DPF2: variants seen among roughly 807,000 people sequenced by gnomAD.
DPF2 encodes the protein double PHD fingers 2, also known as zinc finger protein ubi-d4.
A neutral mutation model predicts 59.6 loss-of-function variants in DPF2; 10 were observed. The ratio of observed to expected loss-of-function variants is 0.17; its 90% CI spans 0.10 to 0.28. DPF2 has a LOEUF of 0.28. Among genes scored for constraint, DPF2 ranks in the 10% least tolerant of loss-of-function variants. The pLI is 1.00. For missense variants in DPF2, 315 were observed against 509.4 expected, an observed-to-expected ratio of 0.62 and a Z score of 3.67; for synonymous variants, 189 against 190.6, an observed-to-expected ratio of 0.99 and a Z score of 0.07.
chr11:65,346,556 CTG>C, intron 9 of DPF2, 197 bp downstream of exon 9: 1 of 542,872 alleles, frequency 1.8e-6, no homozygotes, highest in Non-Finnish European at 3.3e-6. Flanking sequence ...ATGTCAGACA[CTG>C]TTCTAGTCAC....
Position 65,346,026 on chromosome 11 carries a change from A to C in DPF2, c.872A>C (p.Glu291Ala). ...AACAAGAAGACGGGACAACCCGAGG[A>C]GCTGGTGTCCTGTTCTGACTGTGGC... Reference protein sequence around the residue: ...KINKKTGQPEELVSCSDCGRS... With the variant: ...KINKKTGQPEALVSCSDCGRS... Residue 291 changes from glutamate to alanine, a missense_variant, in exon 8 of 11, where the codon GAG becomes GCG. Glu to Ala is a moderately radical substitution (Grantham distance 107). Coordinates refer to ENST00000528416, the MANE Select transcript of DPF2 (RefSeq NM_006268.5). 2 of 1,614,184 alleles carry C rather than the reference A, an allele frequency of 1.2e-6. No individual in the cohort carries two copies. The highest frequency in any genetic ancestry group is 2.7e-5 in the African/African-American group (2 of 75,050).
intron 1 of DPF2, among the ~76,000 whole-genome samples, chr11:65,338,202 C>T (rs1854262757): frequency 6.6e-6 from 1 of 152,314 alleles, no homozygotes; most frequent in South Asian, 2.1e-4. Flanking sequence ...CAGCCTTGGC[C>T]TCCCAAAGTG....
At chr11:65,343,237 T>G (rs1854430111) in intron 4 of DPF2, among the ~76,000 whole-genome samples, 1 of 139,632 alleles carries the variant, frequency 7.2e-6, no homozygotes, top group Non-Finnish European at 1.5e-5. Flanking sequence ...AGACGGAGGT[T>G]GCGGTAAGCC....
rs1565532622 is a variant in DPF2 at position 65,341,458 on chromosome 11, G to T, written c.361G>T (p.Ala121Ser). 1 of 1,614,210 alleles carries T rather than the reference G, an allele frequency of 6.2e-7. No individual in the cohort carries two copies. Among genetic ancestry groups the T allele is most frequent in the East Asian group, 2.2e-5 (1 of 44,892 alleles). ...CTCTCAGGATGGCAGTAGTTTAGAG[G>T]CTCTGTTGCGCACTGACCCCCTGGA... ...LISQDGSSLEALLRTDPLEKR... is the reference protein window; with the variant it reads ...LISQDGSSLESLLRTDPLEKR... Residue 121 changes from alanine to serine, a missense_variant, in exon 4 of 11, where the codon GCT (alanine) becomes TCT (serine). Around this residue, in one of 4 missense-constraint regions of DPF2, gnomAD observed 228 missense variants for 275.3 expected, o/e 0.83. Coordinates refer to ENST00000528416, the MANE Select transcript of DPF2 (RefSeq NM_006268.5).
intron 1 of DPF2, among the ~76,000 whole-genome samples, chr11:65,337,725 G>A (rs958725117): frequency 6.6e-6 from 1 of 151,426 alleles, no homozygotes; most frequent in African/African-American, 2.4e-5. Flanking sequence ...TACCTCATCC[G>A]CCCCAGGGGC....
chr11:65,333,854 G>T lies in DPF2; in HGVS notation c.-33G>T. On this transcript the variant is annotated 5_prime_UTR_variant, in exon 1 of 11. Transcript: ENST00000528416. ...GGCGCCTGCGCGCTGCGGACTGTGG[G>T]GCTTCTCGGCCCGAGGCAGAGGAAC... 7 of 1,613,478 alleles carry T rather than the reference G, an allele frequency of 4.3e-6. No individual in the cohort carries two copies. The highest frequency in any genetic ancestry group is 5.9e-6 in the Non-Finnish European group (7 of 1,179,830).
rs1046824697 is a variant in DPF2 at position 65,353,481 on chromosome 11, G to A, written c.*1722G>A. 4.6e-5 allele frequency among the ~76,000 whole-genome samples: 7 copies of A among 152,306 alleles called. No individual in the cohort carries two copies. Among genetic ancestry groups the A allele is most frequent in the South Asian group, 2.1e-4 (1 of 4,826 alleles). On this transcript the variant is annotated 3_prime_UTR_variant, in exon 11 of 11. Coordinates refer to ENST00000528416, the MANE Select transcript of DPF2 (RefSeq NM_006268.5). Reference sequence around the variant, plus strand: ...CTGTGTGGCTTCAGTTGCCTGCAGCGCTCCCAGGCCAGAGCAAGTGCTCTA... The same window carrying A: ...CTGTGTGGCTTCAGTTGCCTGCAGCACTCCCAGGCCAGAGCAAGTGCTCTA...
At chr11:65,351,360 C>T (rs1854692271) in intron 10 of DPF2, among the ~76,000 whole-genome samples, 1 of 152,302 alleles carries the variant, frequency 6.6e-6, no homozygotes, top group South Asian at 2.1e-4. Flanking sequence ...AACTGAGGTG[C>T]TTGACAAACT....
At chr11:65,337,452 CAA>C (rs750931920) in intron 1 of DPF2, among the ~76,000 whole-genome samples, 156 of 13,452 alleles carry the variant, frequency 0.012, no homozygotes, top group Admixed American at 0.021. Flanking sequence ...GACTCTATCT[CAA>C]AAAAAAAAAA....
In DPF2 at chr11:65,340,914, T is replaced by G. The variant is rs961800521; in HGVS notation, c.194-52T>G. 5.8e-6 allele frequency: 9 copies of G among 1,547,402 alleles called. No individual in the cohort carries two copies. In the East Asian group the frequency reaches 6.8e-5, roughly 12 times the overall value. On this transcript the variant is annotated intron_variant, in intron 2 of 10. Transcript: ENST00000528416. Reference sequence around the variant, plus strand: ...TACTTAATTAGAAAGTGTTTGGTATTACTTTCTAATACTGGGTTAGGGCCT... The same window carrying G: ...TACTTAATTAGAAAGTGTTTGGTATGACTTTCTAATACTGGGTTAGGGCCT...
intron 10 of DPF2, among the ~76,000 whole-genome samples, chr11:65,350,468 C>T (rs999257320): frequency 4.7e-5 from 7 of 150,092 alleles, no homozygotes; most frequent in South Asian, 2.1e-4. Context: ...TCTGCTTCCC[C>T]GGGCTCAGGT....
chr11:65,344,669 C>T, intron 6 of DPF2: 1 of 1,523,436 alleles, frequency 6.6e-7, no homozygotes, highest in African/African-American at 1.4e-5. Flanking sequence ...TCCCTTTTTC[C>T]CTCTTCCCTT....
At chr11:65,345,520 G>C in intron 6 of DPF2, 146 bp from the exon 7 acceptor site, 1 of 1,150,550 alleles carries the variant, frequency 8.7e-7, no homozygotes, top group Non-Finnish European at 1.2e-6. Flanking sequence ...GGAAGTGGCC[G>C]TCACTCAAGG....
rs187939378 is a variant in DPF2, at chr11:65,353,935, A to G, written c.*2176A>G. On this transcript the variant is annotated 3_prime_UTR_variant, in exon 11 of 11. Coordinates refer to ENST00000528416, the MANE Select transcript of DPF2 (RefSeq NM_006268.5). ...GAGTAGTCCGAGAGCCAGAAAAGAAATGTGGAAAATAAGAACGCTGTAGCA... is the reference window on the plus strand; with the variant it reads ...GAGTAGTCCGAGAGCCAGAAAAGAAGTGTGGAAAATAAGAACGCTGTAGCA... Among the ~76,000 whole-genome samples, 1 of 152,338 alleles carries G rather than the reference A, an allele frequency of 6.6e-6. No individual in the cohort carries two copies. Among genetic ancestry groups the G allele is most frequent in the Admixed American group, 6.5e-5 (1 of 15,294 alleles).
rs777134002 is a variant in DPF2, at chr11:65,341,078, G to A, written c.301+5G>A. ...CCTTCCCATCTATTAAGCCAGGTAA[G>A]GCACATACTTCCTGAGCAGAGGCGT... is the stretch of plus-strand genomic sequence containing the variant. On this transcript the variant is annotated splice_donor_5th_base_variant and intron_variant, in intron 3 of 10. Coordinates refer to ENST00000528416, the MANE Select transcript of DPF2 (RefSeq NM_006268.5). The A allele has an allele frequency of 6.2e-7, 1 of 1,613,850 alleles. No individual in the cohort carries two copies.
chr11:65,340,909 G>A, intron 2 of DPF2, 57 bp from the exon 3 acceptor site: 2 of 1,505,738 alleles, frequency 1.3e-6, no homozygotes, highest in Non-Finnish European at 1.8e-6. Context: ...GAAAGTGTTT[G>A]GTATTACTTT....
At chr11:65,337,490 T>A (rs1404320538) in intron 1 of DPF2, among the ~76,000 whole-genome samples, 5 of 67,006 alleles carry the variant, frequency 7.5e-5, no homozygotes, top group South Asian at 5.7e-4. Flanking sequence ...TATATATATA[T>A]ATATATATAT....
intron 4 of DPF2, among the ~76,000 whole-genome samples, chr11:65,342,675 C>G (rs1003424899): frequency 2.6e-5 from 4 of 152,142 alleles, no homozygotes; most frequent in African/African-American, 9.7e-5. Context: ...GGGGTAGGTC[C>G]TGTGTTCCCC....
chr11:65,337,504 TAGAGAGAGAGAGAGAGAGAG>T (rs1188984367), intron 1 of DPF2, among the ~76,000 whole-genome samples: 1 of 21,398 alleles, frequency 4.7e-5, no homozygotes, highest in Non-Finnish European at 8.1e-5. Flanking sequence ...TATATATATA[TAGAGAGAGAGAGAGAGAGAG>T]AGAGAGAGAG....
Sources: allele counts gnomAD v4.1 joint callset (sites outside exome capture counted in the v4.1 genomes callset), GRCh38; gene constraint gnomAD v4.1.1; regional missense constraint gnomAD v4.1.1; transcripts MANE v1.5; gene names NCBI Gene and HGNC (gene_info 2026-07-23, HGNC 2026-07-21).